The following RABGAP1L variants were observed in gnomAD, a reference collection of about 807,000 sequenced individuals.
RABGAP1L encodes the protein rab GTPase-activating protein 1-like.
In RABGAP1L, 63 loss-of-function variants were observed where a neutral mutation model predicts 137.7. That is an observed-to-expected ratio of 0.46 (90% CI 0.37 to 0.56). The LOEUF is 0.56. Among genes scored for constraint, RABGAP1L ranks in the 20% least tolerant of loss-of-function variants. The pLI is 0.00. For missense variants in RABGAP1L, 1,095 were observed against 1,244.0 expected (o/e 0.88, Z 1.80); for synonymous variants, 431 against 433.7 (o/e 0.99, Z 0.08).
At chr1:174,784,969 G>A (rs1244299675) in intron 18 of RABGAP1L, among the ~76,000 whole-genome samples, 2 of 152,156 alleles carry the variant, frequency 1.3e-5, no homozygotes, top group African/African-American at 4.8e-5. Flanking sequence ...ATTCTCAGTA[G>A]CATTTAAATG....
At chr1:174,534,136 G>GTA (rs1664682111) in intron 13 of RABGAP1L, among the ~76,000 whole-genome samples, 2 of 58,170 alleles carry the variant, frequency 3.4e-5, no homozygotes, top group African/African-American at 3.8e-4. Context: ...TCAACTCTGT[G>GTA]TGTGTGTGTG....
At chr1:174,384,833 C>G (rs1161221135) in intron 12 of RABGAP1L, among the ~76,000 whole-genome samples, 1 of 152,202 alleles carries the variant, frequency 6.6e-6, no homozygotes, top group Non-Finnish European at 1.5e-5. Flanking sequence ...TCTCTTACCA[C>G]TACAGATTTC....
chr1:174,532,302 G>A (rs556399743), intron 13 of RABGAP1L, among the ~76,000 whole-genome samples: 3 of 151,506 alleles, frequency 2.0e-5, no homozygotes, highest in East Asian at 3.9e-4. Context: ...TTTGCCTCCC[G>A]GGTTCGAGCA....
chr1:174,743,591 G>C lies in RABGAP1L; in HGVS notation c.2170-8722G>C, dbSNP rs1253868783. ...GTTCAACAAACCCCCTATGTCACAA[G>C]TTTACCTGCATAACAAACCTGAACA... is the stretch of plus-strand genomic sequence containing the variant. On this transcript the variant is annotated intron_variant, in intron 17 of 25. Coordinates refer to ENST00000681986, the MANE Select transcript of RABGAP1L (RefSeq NM_001366446.1). Among the ~76,000 whole-genome samples, 6 of 151,784 alleles carry C rather than the reference G, an allele frequency of 4.0e-5. No homozygotes were observed. In the East Asian group the frequency reaches 1.2e-3, roughly 29 times the overall value.
intron 14 of RABGAP1L, among the ~76,000 whole-genome samples, chr1:174,640,977 T>A (rs1355866520): frequency 1.2e-5 from 1 of 85,406 alleles, no homozygotes; most frequent in Non-Finnish European, 2.0e-5. Flanking sequence ...ATTATATTAA[T>A]TAAATATAAT....
At chr1:174,405,310 A>G (rs572677134) in intron 13 of RABGAP1L, among the ~76,000 whole-genome samples, 1 of 152,266 alleles carries the variant, frequency 6.6e-6, no homozygotes, top group African/African-American at 2.4e-5. Context: ...TTACTTTTTA[A>G]ACATTAAGGC....
At chr1:174,556,205 C>T (rs1162262352) in intron 13 of RABGAP1L, among the ~76,000 whole-genome samples, 1 of 151,860 alleles carries the variant, frequency 6.6e-6, no homozygotes, top group Non-Finnish European at 1.5e-5. Context: ...ACCATCTTGG[C>T]CAGGTTGTTC....
chr1:174,617,944 G>T (rs866119937), intron 13 of RABGAP1L, among the ~76,000 whole-genome samples: 1 of 152,176 alleles, frequency 6.6e-6, no homozygotes, highest in Non-Finnish European at 1.5e-5. Flanking sequence ...ACTCCCACCC[G>T]AATACTGCAC....
At chr1:174,271,900 A>C (rs1414876680) in intron 7 of RABGAP1L, among the ~76,000 whole-genome samples, 9 of 151,704 alleles carry the variant, frequency 5.9e-5, no homozygotes, top group African/African-American at 2.2e-4. Flanking sequence ...AAAACTGAGG[A>C]TATAGTATTA....
chr1:174,635,392 C>G (rs1431384077), intron 13 of RABGAP1L, among the ~76,000 whole-genome samples: 2 of 152,162 alleles, frequency 1.3e-5, no homozygotes, highest in Non-Finnish European at 2.9e-5. Flanking sequence ...CGGAAGAGAG[C>G]TCTTCTGTTG....
At chr1:174,695,663 T>A (rs1679195093) in intron 15 of RABGAP1L, among the ~76,000 whole-genome samples, 1 of 152,180 alleles carries the variant, frequency 6.6e-6, no homozygotes, top group African/African-American at 2.4e-5. Flanking sequence ...TTGATGCTTG[T>A]GGATGTTTAT....
At chr1:174,809,468 A>G (rs1689648203) in intron 18 of RABGAP1L, among the ~76,000 whole-genome samples, 2 of 152,184 alleles carry the variant, frequency 1.3e-5, no homozygotes, top group Admixed American at 1.3e-4. Flanking sequence ...CTTGATACCA[A>G]TCTATCTGCT....
intron 7 of RABGAP1L, among the ~76,000 whole-genome samples, 156 bp downstream of exon 7, chr1:174,252,746 C>T (rs1046306886): frequency 1.0e-5 from 1 of 96,362 alleles, no homozygotes; most frequent in Admixed American, 8.8e-5. Flanking sequence ...TTAGATGTAA[C>T]TGGTTTCATT....
At chr1:174,746,776 C>G (rs1354202801) in intron 17 of RABGAP1L, among the ~76,000 whole-genome samples, 1 of 152,112 alleles carries the variant, frequency 6.6e-6, no homozygotes, top group Admixed American at 6.5e-5. Context: ...ACTTTGATTT[C>G]TCTAAATCTT....
Position 174,989,758 on chromosome 1 carries a change from C to G in RABGAP1L, c.3004-91C>G, listed in dbSNP as rs920989896. ...TGGGAGGAAAATTGGCAGCACATACCTTGAGACTCCAAAAAGCTGCACACT... is the reference window on the plus strand; with the variant it reads ...TGGGAGGAAAATTGGCAGCACATACGTTGAGACTCCAAAAAGCTGCACACT... On this transcript the variant is annotated intron_variant, in intron 25 of 25. Coordinates refer to ENST00000681986, the MANE Select transcript of RABGAP1L (RefSeq NM_001366446.1). 31 of 1,407,684 alleles carry G rather than the reference C, an allele frequency of 2.2e-5. No individual in the cohort carries two copies. The Admixed American group carries it at 6.7e-4, about 30-fold the overall frequency. The allele number at this position is 1,407,684 out of a possible 1,614,324, so 87.2% of individuals were successfully genotyped here.
In RABGAP1L at chr1:174,188,864, A is replaced by G. The variant is rs549443732; in HGVS notation, c.-34+29207A>G. Among the ~76,000 whole-genome samples the G allele has an allele frequency of 8.5e-5, 13 of 152,288 alleles. No individual in the cohort carries two copies. In the East Asian group the frequency reaches 2.5e-3, roughly 29 times the overall value. On this transcript the variant is annotated intron_variant, in intron 1 of 25. Coordinates refer to ENST00000681986, the MANE Select transcript of RABGAP1L (RefSeq NM_001366446.1). ...ATTTTGCATAATTTTTAAGGGCCGT[A>G]TGATTTTTGGAATGGGATATGAACA...
At position 174,824,773 on chromosome 1, in the gene RABGAP1L, C is replaced by T. The variant is rs533145714; in HGVS notation, c.2340+12813C>T. Among the ~76,000 whole-genome samples, 4 of 152,148 alleles carry T rather than the reference C, an allele frequency of 2.6e-5. No individual in the cohort carries two copies. In the East Asian group the frequency reaches 7.7e-4, roughly 29 times the overall value. ...AGAAATTGCTTATTTCACTCTTGGG[C>T]CTTTTTCTCTCCTCCTCTCTCCCCT... On this transcript the variant is annotated intron_variant, in intron 19 of 25. Transcript: ENST00000681986.
chr1:174,508,052 A>C (rs1278967792), intron 13 of RABGAP1L, among the ~76,000 whole-genome samples: 2 of 152,180 alleles, frequency 1.3e-5, no homozygotes, highest in Non-Finnish European at 2.9e-5. Flanking sequence ...ATAAAAAATT[A>C]TATGAGTATT....
chr1:174,388,083 A>G (rs1686949192), intron 12 of RABGAP1L, among the ~76,000 whole-genome samples: 1 of 152,128 alleles, frequency 6.6e-6, no homozygotes, highest in Non-Finnish European at 1.5e-5. Flanking sequence ...GCATTTACAT[A>G]TAGACATTTT....
Sources: gnomAD v4.1 joint callset for allele counts (sites outside exome capture counted in the v4.1 genomes callset) on GRCh38, gnomAD v4.1.1 for gene constraint, MANE v1.5 for transcripts, NCBI Gene and HGNC (gene_info 2026-07-23, HGNC 2026-07-21) for gene names.